Variants in RAD17 observed in about 807,000 individuals in gnomAD.
RAD17 encodes RAD17 checkpoint clamp loader component.
In RAD17, 31 loss-of-function variants were observed where a neutral mutation model predicts 81.5. That is an observed-to-expected ratio of 0.38 (90% CI 0.29 to 0.51). The LOEUF is 0.51. Among genes scored for constraint, RAD17 ranks in the 20% least tolerant of loss-of-function variants. RAD17 has a pLI of 0.88. For missense variants in RAD17, 681 were observed against 781.2 expected (o/e 0.87, Z 1.53); for synonymous variants, 261 against 266.2 (o/e 0.98, Z 0.19).
chr5:69,406,236 C>A (rs1441418865), intron 17 of RAD17, among the ~76,000 whole-genome samples: 1 of 151,996 alleles, frequency 6.6e-6, no homozygotes, highest in East Asian at 1.9e-4. Flanking sequence ...TTGTCATTTG[C>A]AGTAACATGG....
At chr5:69,398,094 GAGAC>G (rs1765014297) in intron 16 of RAD17, among the ~76,000 whole-genome samples, 1 of 151,610 alleles carries the variant, frequency 6.6e-6, no homozygotes, top group South Asian at 2.1e-4. Flanking sequence ...TCCAGCCTGA[GAGAC>G]AGAGCGAGAC....
chr5:69,390,545 A>G (rs1431643796), intron 12 of RAD17, among the ~76,000 whole-genome samples: 10 of 152,170 alleles, frequency 6.6e-5, no homozygotes, highest in South Asian at 2.1e-4. Context: ...CTCAACATCA[A>G]TAGAGAGGTT....
chr5:69,403,644 G>T (rs1045850135), intron 17 of RAD17, among the ~76,000 whole-genome samples: 1 of 152,284 alleles, frequency 6.6e-6, no homozygotes, highest in Admixed American at 6.5e-5. Context: ...TCTGGGCCAG[G>T]CATGGCGGCT....
intron 6 of RAD17, among the ~76,000 whole-genome samples, chr5:69,381,541 C>T (rs1464161415): frequency 2.6e-5 from 4 of 151,610 alleles, no homozygotes; most frequent in African/African-American, 9.7e-5. Flanking sequence ...TTGTTTCAGA[C>T]ATCACCTCCC....
At chr5:69,395,575 C>T (rs1168961521) in intron 15 of RAD17, among the ~76,000 whole-genome samples, 1 of 152,062 alleles carries the variant, frequency 6.6e-6, no homozygotes, top group Non-Finnish European at 1.5e-5. Context: ...AGGATAAATG[C>T]TTGAGGTAAT....
intron 13 of RAD17, chr5:69,392,745 C>T (rs773656796): frequency 3.2e-5 from 14 of 437,148 alleles, no homozygotes; most frequent in Non-Finnish European, 6.0e-5. Context: ...TCCTCCCCAA[C>T]ATACGTTTAT....
intron 6 of RAD17, among the ~76,000 whole-genome samples, chr5:69,376,264 T>G (rs752797421): frequency 2.6e-5 from 4 of 152,220 alleles, no homozygotes; most frequent in Non-Finnish European, 5.9e-5. Flanking sequence ...GTCGTCCACC[T>G]AAGTGCTGTA....
At chr5:69,394,672 T>A (rs1421530050) in intron 15 of RAD17, among the ~76,000 whole-genome samples, 1 of 152,178 alleles carries the variant, frequency 6.6e-6, no homozygotes, top group Non-Finnish European at 1.5e-5. Context: ...GATGGCTACT[T>A]TATTGAACAG....
At position 69,377,572 on chromosome 5, in the gene RAD17, C is replaced by CAT. The variant is rs1315092708; in HGVS notation, c.351+2868_351+2869dup. 2.8e-3 allele frequency among the ~76,000 whole-genome samples: 11 copies of CAT among 3,942 alleles called. 3 individuals carry two copies. The highest frequency in any genetic ancestry group is 5.3e-3 in the Admixed American group (2 of 380). 2.6% of individuals were successfully genotyped at this position (3,942 alleles called of 152,430 possible). A position where few individuals can be genotyped will look rare whatever the true frequency, so the allele number is the denominator to read the frequency against. ...ATGCATATATATGTATATATATATG[C>CAT]ATATATATGTATACATATATATATG... is the stretch of plus-strand genomic sequence containing the variant. On this transcript the variant is annotated intron_variant, in intron 6 of 18. Coordinates refer to ENST00000354868, the MANE Select transcript of RAD17 (RefSeq NM_133338.3).
intron 15 of RAD17, 98 bp downstream of exon 15, chr5:69,393,598 A>G: frequency 8.8e-7 from 1 of 1,142,018 alleles, no homozygotes; most frequent in South Asian, 1.5e-5. Context: ...ACATTATTTT[A>G]TGTGACTTTT....
intron 11 of RAD17, among the ~76,000 whole-genome samples, chr5:69,388,131 A>C (rs1431270213): frequency 6.6e-6 from 1 of 152,190 alleles, no homozygotes; most frequent in Non-Finnish European, 1.5e-5. Flanking sequence ...GGATTTGTTG[A>C]GCCTGGGAGC....
chr5:69,384,736 A>T, intron 7 of RAD17, 61 bp from the exon 8 acceptor site: 1 of 1,459,572 alleles, frequency 6.9e-7, no homozygotes, highest in Non-Finnish European at 9.4e-7. Flanking sequence ...GTACATACAG[A>T]TGTATAATAT....
Position 69,373,928 on chromosome 5 carries a change from T to C in RAD17, c.108T>C (p.His36=). 1.2e-6 allele frequency: 2 copies of C among 1,613,000 alleles called. No homozygotes were observed. Among genetic ancestry groups the C allele is most frequent in the East Asian group, 2.2e-5 (1 of 44,814 alleles). The change falls in exon 5 of 19, where the codon CAT becomes CAC. Residue 36 remains histidine, a synonymous_variant. Transcript: ENST00000354868. ...CATTAGGTGTGAATAACTCAAGTCA[T>C]AGAAGAAAAAATGGGCCTTCTACAT... ...ATSLGVNNSS[H]RRKNGPSTLE...
At chr5:69,398,308 CAAAG>C (rs1353000777) in intron 16 of RAD17, among the ~76,000 whole-genome samples, 3 of 152,026 alleles carry the variant, frequency 2.0e-5, no homozygotes, top group Non-Finnish European at 4.4e-5. Context: ...TTAAATTAAT[CAAAG>C]AAAGGAGAAG....
At chr5:69,388,261 G>A (rs1017988007) in intron 11 of RAD17, among the ~76,000 whole-genome samples, 2 of 152,060 alleles carry the variant, frequency 1.3e-5, no homozygotes, top group Admixed American at 6.6e-5. Context: ...AATAATTGGT[G>A]TAATTATGGC....
intron 17 of RAD17, among the ~76,000 whole-genome samples, chr5:69,406,523 CAG>C (rs1376520899): frequency 1.3e-5 from 2 of 151,916 alleles, no homozygotes; most frequent in African/African-American, 2.4e-5. Context: ...TTTTTTGAGT[CAG>C]AGTATCACTC....
intron 1 of RAD17, chr5:69,370,339 C>T (rs1456697749): frequency 1.3e-5 from 2 of 152,338 alleles, no homozygotes; most frequent in Non-Finnish European, 2.9e-5. Flanking sequence ...TGACAACAGT[C>T]TGCACCTTTT....
intron 11 of RAD17, among the ~76,000 whole-genome samples, chr5:69,388,362 A>G (rs1438359241): frequency 6.6e-6 from 1 of 152,180 alleles, no homozygotes; most frequent in African/African-American, 2.4e-5. Context: ...TTTTGTGTAT[A>G]TTTAATTTTA....
chr5:69,401,840 C>A (rs1214261015), intron 17 of RAD17, among the ~76,000 whole-genome samples: 8 of 117,172 alleles, frequency 6.8e-5, no homozygotes, highest in South Asian at 3.0e-4. Context: ...ACAAAAAAAA[C>A]CCACAAAAAA....
Sources: gnomAD v4.1 joint callset for allele counts (sites outside exome capture counted in the v4.1 genomes callset) on GRCh38, gnomAD v4.1.1 for gene constraint, MANE v1.5 for transcripts, NCBI Gene and HGNC (gene_info 2026-07-23, HGNC 2026-07-21) for gene names.